The following BAZ2B variants were observed in gnomAD, a reference collection of about 807,000 sequenced individuals.
The protein encoded by BAZ2B is bromodomain adjacent to zinc finger domain protein 2B.
BAZ2B carries 91 observed loss-of-function variants against 246.0 expected under a neutral mutation model. That is an observed-to-expected ratio of 0.37 (90% CI 0.31 to 0.44). BAZ2B has a LOEUF of 0.44. Among genes scored for constraint, BAZ2B ranks in the 20% least tolerant of loss-of-function variants. The pLI, the probability that BAZ2B is intolerant of heterozygous loss-of-function variation, is 1.00. For missense variants in BAZ2B, 2,332 were observed against 2,533.7 expected (o/e 0.92, Z 1.71); for synonymous variants, 855 against 860.0 (o/e 0.99, Z 0.10).
intron 3 of BAZ2B, chr2:159,463,535 C>CAA (rs2076665077): frequency 6.5e-6 from 1 of 152,824 alleles, no homozygotes; most frequent in Non-Finnish European, 1.5e-5. Context: ...CACATCCTTG[C>CAA]CAATACTTGT....
At chr2:159,338,909 C>A (rs1207316508) in intron 31 of BAZ2B, among the ~76,000 whole-genome samples, 2 of 152,132 alleles carry the variant, frequency 1.3e-5, no homozygotes, top group Admixed American at 6.5e-5. Flanking sequence ...CTACTAGATT[C>A]TGCATATATG....
At chr2:159,390,604 T>C (rs1318975800) in intron 20 of BAZ2B, among the ~76,000 whole-genome samples, 1 of 152,088 alleles carries the variant, frequency 6.6e-6, no homozygotes, top group Non-Finnish European at 1.5e-5. Context: ...TGACTGCTGC[T>C]GGAGGGAAGG....
chr2:159,454,709 A>G lies in BAZ2B; in HGVS notation c.146-908T>C, dbSNP rs560382665. ...CCAAAAAGGGAATATATTCTAGTCT[A>G]ATAAAACAATGCACAAGACAACATA... On this transcript the variant is annotated intron_variant, in intron 3 of 36. Coordinates refer to ENST00000392783, the MANE Select transcript of BAZ2B (RefSeq NM_013450.4). Among the ~76,000 whole-genome samples the G allele has an allele frequency of 2.6e-5, 4 of 151,822 alleles. No homozygotes were observed. In the East Asian group the frequency reaches 7.7e-4, roughly 29 times the overall value.
intron 1 of BAZ2B, among the ~76,000 whole-genome samples, chr2:159,576,378 T>C (rs886352703): frequency 6.6e-6 from 1 of 151,824 alleles, no homozygotes; most frequent in East Asian, 1.9e-4. Flanking sequence ...GTCAACAAAG[T>C]GAGACCCCGT....
chr2:159,360,638 G>A (rs1281312826), intron 27 of BAZ2B, among the ~76,000 whole-genome samples: 2 of 152,108 alleles, frequency 1.3e-5, no homozygotes, highest in African/African-American at 4.8e-5. Flanking sequence ...GTCCCATATA[G>A]CCAAGACAAC....
At chr2:159,447,008 G>A in intron 5 of BAZ2B, 33 bp from the exon 6 acceptor site, 1 of 1,411,004 alleles carries the variant, frequency 7.1e-7, no homozygotes, top group Non-Finnish European at 9.5e-7. Context: ...TTTATACAAT[G>A]GAATATTATT....
chr2:159,530,526 C>G (rs187403177), intron 2 of BAZ2B, among the ~76,000 whole-genome samples: 14 of 152,076 alleles, frequency 9.2e-5, no homozygotes, highest in Middle Eastern at 6.8e-3. Context: ...AAAAAATACC[C>G]AAATAAGTTA....
At chr2:159,337,820 A>C in intron 31 of BAZ2B, 48 bp from the exon 32 acceptor site, 1 of 1,541,048 alleles carries the variant, frequency 6.5e-7, no homozygotes, top group Non-Finnish European at 8.9e-7. Context: ...TTAAAATGCT[A>C]GGTGGGTGAA....
the BAZ2B span, among the ~76,000 whole-genome samples, chr2:159,710,565 C>G: frequency 6.6e-6 from 1 of 152,114 alleles, no homozygotes; most frequent in Admixed American, 6.5e-5. Context: ...ATGATAATTA[C>G]CTGAATACTA....
In BAZ2B at chr2:159,581,197, C is replaced by T. The variant is rs185932665; in HGVS notation, c.-45-25332G>A. 9.2e-5 allele frequency among the ~76,000 whole-genome samples: 14 copies of T among 151,996 alleles called. No homozygotes were observed. The East Asian group carries it at 2.7e-3, about 29-fold the overall frequency. ...ACAAAGGGCTAATATCCAGAATCTA[C>T]AAAGAACTTAAACAAATTTACAAGA... On this transcript the variant is annotated intron_variant, in intron 1 of 36. Transcript: ENST00000392783.
intron 2 of BAZ2B, among the ~76,000 whole-genome samples, chr2:159,522,585 G>T (rs1337475071): frequency 2.0e-5 from 3 of 152,144 alleles, no homozygotes; most frequent in Non-Finnish European, 4.4e-5. Flanking sequence ...CTACAATTCT[G>T]TTAGAAATAA....
the BAZ2B span, among the ~76,000 whole-genome samples, chr2:159,650,821 C>G: frequency 2.6e-5 from 4 of 152,170 alleles, no homozygotes; most frequent in Non-Finnish European, 5.9e-5. Flanking sequence ...AAGTCTCTCA[C>G]AGCAGTAAGC....
At chr2:159,565,321 T>C (rs2090277097) in intron 1 of BAZ2B, among the ~76,000 whole-genome samples, 1 of 152,164 alleles carries the variant, frequency 6.6e-6, no homozygotes, top group Non-Finnish European at 1.5e-5. Context: ...CTCTGAAGGG[T>C]GGTAAAGAAA....
rs1559114089 is a variant in BAZ2B, at chr2:159,362,897, C to T, written c.4213+10148G>A. On this transcript the variant is annotated intron_variant, in intron 27 of 36. Coordinates refer to ENST00000392783, the MANE Select transcript of BAZ2B (RefSeq NM_013450.4). ...CTAGAAGGGAAGGTGGGGCAAATTC[C>T]CACTGTTTATCTGTAATATGAGGCA... 2.0e-5 allele frequency among the ~76,000 whole-genome samples: 3 copies of T among 151,798 alleles called. 1 individual carries two copies. The highest frequency in any genetic ancestry group is 6.6e-5 in the Admixed American group (1 of 15,244).
intron 2 of BAZ2B, among the ~76,000 whole-genome samples, chr2:159,527,008 T>A (rs1287240847): frequency 2.0e-5 from 3 of 151,954 alleles, no homozygotes; most frequent in African/African-American, 7.2e-5. Context: ...CCATTTTACA[T>A]TCCCACTGGT....
chr2:159,585,849 G>A (rs549959419), intron 1 of BAZ2B, among the ~76,000 whole-genome samples: 2 of 152,344 alleles, frequency 1.3e-5, no homozygotes, highest in African/African-American at 2.4e-5. Flanking sequence ...TCTCTTATTA[G>A]AAGGCTTGTC....
In BAZ2B at chr2:159,455,819, C is replaced by A. The variant is rs189464194; in HGVS notation, c.146-2018G>T. On this transcript the variant is annotated intron_variant, in intron 3 of 36. Coordinates refer to ENST00000392783, the MANE Select transcript of BAZ2B (RefSeq NM_013450.4). ...ATTCTCAGAAACCCAGCTAGTTTCT[C>A]AAAAAAATGAGCTTGTAACTATAAA... 1.1e-4 allele frequency among the ~76,000 whole-genome samples: 10 copies of A among 93,212 alleles called. No homozygotes were observed. The East Asian group carries it at 2.5e-3, about 24-fold the overall frequency. 61.2% of individuals were successfully genotyped at this position (93,212 alleles called of 152,430 possible). A position where few individuals can be genotyped will look rare whatever the true frequency, so the allele number is the denominator to read the frequency against.
chr2:159,611,954 C>T (rs1296256697), intron 1 of BAZ2B, among the ~76,000 whole-genome samples: 3 of 151,738 alleles, frequency 2.0e-5, no homozygotes, highest in Non-Finnish European at 4.4e-5. Context: ...ATGTAGGCAC[C>T]AATGGGATGA....
intron 13 of BAZ2B, among the ~76,000 whole-genome samples, chr2:159,413,303 T>C (rs1297632552): frequency 6.6e-6 from 1 of 152,202 alleles, no homozygotes; most frequent in Non-Finnish European, 1.5e-5. Flanking sequence ...TCAACAAATG[T>C]TGCAAGAAGT....
Sources: gnomAD v4.1 joint callset for allele counts (sites outside exome capture counted in the v4.1 genomes callset) on GRCh38, gnomAD v4.1.1 for gene constraint, MANE v1.5 for transcripts, NCBI Gene and HGNC (gene_info 2026-07-23, HGNC 2026-07-21) for gene names.